Variants in SLC49A4 observed in about 807,000 individuals in gnomAD.
SLC49A4 encodes the protein solute carrier family 49 member 4.
A neutral mutation model predicts 50.6 loss-of-function variants in SLC49A4; 36 were observed. That is an observed-to-expected ratio of 0.71 (90% CI 0.55 to 0.94). The LOEUF (loss-of-function observed/expected upper bound fraction) is 0.94. Ranked by LOEUF, SLC49A4 falls within the 40% of genes least tolerant of loss-of-function variation. SLC49A4 has a pLI of 0.00. For missense variants in SLC49A4, 503 were observed against 605.7 expected, an observed-to-expected ratio of 0.83 and a Z score of 1.78; for synonymous variants, 248 against 241.2, an observed-to-expected ratio of 1.03 and a Z score of -0.26.
chr3:122,810,073 TG>T (rs1936278458), intron 2 of SLC49A4, among the ~76,000 whole-genome samples: 1 of 152,204 alleles, frequency 6.6e-6, no homozygotes, highest in Non-Finnish European at 1.5e-5. Context: ...TTTACAAGTC[TG>T]TGTTTTTGTG....
intron 4 of SLC49A4, among the ~76,000 whole-genome samples, chr3:122,839,751 T>A (rs889099153): frequency 6.6e-6 from 1 of 152,132 alleles, no homozygotes; most frequent in Non-Finnish European, 1.5e-5. Context: ...GATGTTGACA[T>A]GGATGTGGTG....
At chr3:122,796,597 T>C (rs1936044939) in intron 1 of SLC49A4, among the ~76,000 whole-genome samples, 1 of 152,138 alleles carries the variant, frequency 6.6e-6, no homozygotes, top group South Asian at 2.1e-4. Context: ...GAAGAAGGGG[T>C]TAGGGAATCC....
At chr3:122,798,007 G>A (rs977357874) in intron 1 of SLC49A4, among the ~76,000 whole-genome samples, 3 of 152,056 alleles carry the variant, frequency 2.0e-5, no homozygotes, top group African/African-American at 7.2e-5. Flanking sequence ...CAAACCCAAA[G>A]TAGTACTTTA....
intron 4 of SLC49A4, among the ~76,000 whole-genome samples, chr3:122,845,197 A>T (rs1422097422): frequency 6.6e-6 from 1 of 152,086 alleles, no homozygotes; most frequent in South Asian, 2.1e-4. Flanking sequence ...GCTCCCACTG[A>T]TAAGTGAGAA....
At chr3:122,847,342 A>G (rs946030472) in intron 5 of SLC49A4, among the ~76,000 whole-genome samples, 1 of 130,368 alleles carries the variant, frequency 7.7e-6, no homozygotes, top group Non-Finnish European at 1.6e-5. Context: ...CACAACATAC[A>G]GTGTACAATT....
chr3:122,870,123 A>G (rs1177101691), intron 7 of SLC49A4, among the ~76,000 whole-genome samples: 3 of 152,210 alleles, frequency 2.0e-5, no homozygotes, highest in African/African-American at 7.2e-5. Context: ...CATTTCCTTC[A>G]GAAATAAAAA....
At chr3:122,862,478 T>C (rs1487208853) in intron 7 of SLC49A4, among the ~76,000 whole-genome samples, 4 of 152,212 alleles carry the variant, frequency 2.6e-5, no homozygotes. Flanking sequence ...CATCCTACAT[T>C]GGAGTTTTGA....
At chr3:122,837,597 C>A (rs1217328217) in intron 4 of SLC49A4, among the ~76,000 whole-genome samples, 1 of 152,148 alleles carries the variant, frequency 6.6e-6, no homozygotes, top group Non-Finnish European at 1.5e-5. Context: ...AGACCTAAAA[C>A]CATAAAAACC....
chr3:122,867,125 C>A (rs1458559480), intron 7 of SLC49A4, among the ~76,000 whole-genome samples: 5 of 152,134 alleles, frequency 3.3e-5, no homozygotes, highest in Non-Finnish European at 7.4e-5. Context: ...TATACTTAAA[C>A]AATTTGGGGC....
At chr3:122,819,808 C>T (rs1249694039) in intron 2 of SLC49A4, among the ~76,000 whole-genome samples, 2 of 151,776 alleles carry the variant, frequency 1.3e-5, no homozygotes, top group Non-Finnish European at 2.9e-5. Context: ...TCAAAAAAAT[C>T]CTATAAACAC....
intron 1 of SLC49A4, among the ~76,000 whole-genome samples, chr3:122,800,984 A>G (rs753198039): frequency 6.6e-6 from 1 of 152,224 alleles, no homozygotes; most frequent in Non-Finnish European, 1.5e-5. Context: ...AAGTCAGACC[A>G]GTCAGCATGG....
In SLC49A4 at chr3:122,795,259, C is replaced by G; in HGVS notation, c.67C>G (p.Leu23Val). 4 of 1,393,800 alleles carry G rather than the reference C, an allele frequency of 2.9e-6. No individual in the cohort carries two copies. Among genetic ancestry groups the G allele is most frequent in the Non-Finnish European group, 3.7e-6 (4 of 1,086,998 alleles). 86.3% of individuals were successfully genotyped at this position (1,393,800 alleles called of 1,614,324 possible). A position where few individuals can be genotyped will look rare whatever the true frequency, so the allele number is the denominator to read the frequency against. The change falls in exon 1 of 9, where the codon CTG (leucine) becomes GTG (valine). Residue 23 changes from leucine (L) to valine (V), a missense_variant. Physicochemically the swap from Leu to Val is conservative, Grantham distance 32. Coordinates refer to ENST00000261038, the MANE Select transcript of SLC49A4 (RefSeq NM_032839.3). ...PLLGPGLGPG[L>V]GASWRSREAA... ...GCTGGGGCCCGGGCTCGGGCCTGGG[C>G]TGGGGGCCTCCTGGAGAAGCCGGGA...
At chr3:122,803,244 C>T (rs1049253473) in intron 1 of SLC49A4, among the ~76,000 whole-genome samples, 8 of 152,044 alleles carry the variant, frequency 5.3e-5, no homozygotes, top group African/African-American at 1.9e-4. Flanking sequence ...TAGGAATGAT[C>T]TGGAAGTGGC....
At chr3:122,819,174 G>A (rs1246637758) in intron 2 of SLC49A4, among the ~76,000 whole-genome samples, 1 of 149,380 alleles carries the variant, frequency 6.7e-6, no homozygotes, top group East Asian at 2.0e-4. Context: ...GAGCCCAGAG[G>A]TCGAGGCTGC....
At chr3:122,812,181 C>A (rs1936308921) in intron 2 of SLC49A4, among the ~76,000 whole-genome samples, 1 of 152,148 alleles carries the variant, frequency 6.6e-6, no homozygotes, top group African/African-American at 2.4e-5. Flanking sequence ...GTCTCAAATT[C>A]TGGGTGCTAG....
At chr3:122,799,885 G>C (rs1936105834) in intron 1 of SLC49A4, among the ~76,000 whole-genome samples, 1 of 152,190 alleles carries the variant, frequency 6.6e-6, no homozygotes, top group African/African-American at 2.4e-5. Context: ...TTACTGATAG[G>C]GAGAATACAG....
intron 5 of SLC49A4, among the ~76,000 whole-genome samples, chr3:122,856,043 T>G (rs1936985250): frequency 6.6e-6 from 1 of 152,206 alleles, no homozygotes; most frequent in Non-Finnish European, 1.5e-5. Flanking sequence ...CTTTTCTTAT[T>G]TTAAGAGTTC....
chr3:122,796,718 A>G (rs1470818669), intron 1 of SLC49A4, among the ~76,000 whole-genome samples: 1 of 152,156 alleles, frequency 6.6e-6, no homozygotes, highest in Non-Finnish European at 1.5e-5. Flanking sequence ...TTGAGGGTTA[A>G]GATTTCAAAA....
intron 2 of SLC49A4, among the ~76,000 whole-genome samples, chr3:122,817,319 G>A (rs950386746): frequency 6.6e-6 from 1 of 152,152 alleles, no homozygotes; most frequent in Non-Finnish European, 1.5e-5. Context: ...ACGAATGCGG[G>A]CGGCCACTAC....
Sources: gnomAD v4.1 joint callset for allele counts (sites outside exome capture counted in the v4.1 genomes callset) on GRCh38, gnomAD v4.1.1 for gene constraint, MANE v1.5 for transcripts, NCBI Gene and HGNC (gene_info 2026-07-23, HGNC 2026-07-21) for gene names.